TMEM178B: variants seen among roughly 807,000 people sequenced by gnomAD.
TMEM178B encodes the protein transmembrane protein 178B.
A neutral mutation model predicts 31.0 loss-of-function variants in TMEM178B; 5 were observed. That is an observed-to-expected ratio of 0.16 (90% CI 0.08 to 0.34). The LOEUF (loss-of-function observed/expected upper bound fraction) is 0.34, where lower values mean the gene tolerates loss of function less well. TMEM178B is among the 10% of genes least tolerant of loss of function. The pLI, the probability that TMEM178B is intolerant of heterozygous loss-of-function variation, is 1.00. For synonymous variants in TMEM178B, 164 were observed against 164.0 expected (o/e 1.00, Z 0.00); for missense variants, 275 against 400.3 (o/e 0.69, Z 2.67).
chr7:141,194,786 C>A (rs1586819608), intron 1 of TMEM178B, among the ~76,000 whole-genome samples: 1 of 152,198 alleles, frequency 6.6e-6, no homozygotes, highest in Admixed American at 6.5e-5. Flanking sequence ...TCCATGAGGG[C>A]CCCACCCCTG....
intron 1 of TMEM178B, among the ~76,000 whole-genome samples, chr7:141,082,355 A>T (rs1392734351): frequency 6.6e-6 from 1 of 152,218 alleles, no homozygotes. Context: ...AGAGGGCAGG[A>T]ACTGTTTAAT....
chr7:141,337,391 A>T (rs1419551754), intron 2 of TMEM178B, among the ~76,000 whole-genome samples: 2 of 151,024 alleles, frequency 1.3e-5, no homozygotes, highest in South Asian at 4.2e-4. Flanking sequence ...CACCATCTCC[A>T]TTAAAAACAG....
chr7:141,499,464 C>CAAAAA, the TMEM178B span, among the ~76,000 whole-genome samples: 482 of 50,674 alleles, frequency 9.5e-3, 17 homozygotes, highest in African/African-American at 0.022. Flanking sequence ...CACATCTCTA[C>CAAAAA]AAAAAAAAAA....
intron 2 of TMEM178B, among the ~76,000 whole-genome samples, chr7:141,370,143 G>C (rs1444633182): frequency 6.6e-6 from 1 of 152,142 alleles, no homozygotes; most frequent in Non-Finnish European, 1.5e-5. Context: ...CACAGAGAGG[G>C]AGAAGTCATA....
chr7:141,278,221 C>T (rs1420994369), intron 2 of TMEM178B, among the ~76,000 whole-genome samples: 9 of 152,102 alleles, frequency 5.9e-5, no homozygotes, highest in South Asian at 2.1e-4. Context: ...GAAAGAGGGC[C>T]GAGGGGCCTT....
At chr7:141,293,834 G>A (rs1563143476) in intron 2 of TMEM178B, among the ~76,000 whole-genome samples, 5 of 152,176 alleles carry the variant, frequency 3.3e-5, no homozygotes, top group Admixed American at 3.3e-4. Context: ...TAGAGAGTGA[G>A]TAGGAAGTCT....
intron 1 of TMEM178B, among the ~76,000 whole-genome samples, chr7:141,204,040 G>A (rs1388433011): frequency 6.6e-6 from 1 of 152,162 alleles, no homozygotes; most frequent in Non-Finnish European, 1.5e-5. Flanking sequence ...CAAAGTAACC[G>A]CAAGACTAAA....
At chr7:141,417,751 C>T (rs1001714615) in intron 2 of TMEM178B, among the ~76,000 whole-genome samples, 1 of 152,222 alleles carries the variant, frequency 6.6e-6, no homozygotes, top group Non-Finnish European at 1.5e-5. Context: ...CATTGCGTGT[C>T]TGTTTCTAAG....
At chr7:141,142,609 G>A (rs998340099) in intron 1 of TMEM178B, among the ~76,000 whole-genome samples, 7 of 152,030 alleles carry the variant, frequency 4.6e-5, no homozygotes, top group African/African-American at 1.7e-4. Context: ...GGGTTTCACT[G>A]TGTTAGCCAG....
chr7:141,373,682 G>T (rs575169585), intron 2 of TMEM178B, among the ~76,000 whole-genome samples: 1 of 152,160 alleles, frequency 6.6e-6, no homozygotes, highest in Non-Finnish European at 1.5e-5. Context: ...GGCTGCTCCC[G>T]GGGAAGGGGC....
intron 1 of TMEM178B, among the ~76,000 whole-genome samples, chr7:141,146,630 G>A (rs1795857227): frequency 6.6e-6 from 1 of 152,180 alleles, no homozygotes; most frequent in African/African-American, 2.4e-5. Flanking sequence ...ATCATTGGCT[G>A]CTATTACTAT....
At chr7:141,239,271 A>G (rs912231407) in intron 2 of TMEM178B, among the ~76,000 whole-genome samples, 2 of 152,130 alleles carry the variant, frequency 1.3e-5, no homozygotes, top group African/African-American at 4.8e-5. Context: ...GGAGCTTTGT[A>G]TGCAGAGGTT....
chr7:141,500,263 A>T, the TMEM178B span, among the ~76,000 whole-genome samples: 19 of 152,172 alleles, frequency 1.2e-4, no homozygotes, highest in African/African-American at 3.9e-4. Context: ...ATAATCTAGG[A>T]GAGGAATCAG....
chr7:141,452,782 C>A (rs1367068717), intron 3 of TMEM178B, among the ~76,000 whole-genome samples: 2 of 152,182 alleles, frequency 1.3e-5, no homozygotes, highest in African/African-American at 4.8e-5. Flanking sequence ...ATGTTCATTT[C>A]CCTACTTTCC....
intron 2 of TMEM178B, among the ~76,000 whole-genome samples, chr7:141,426,776 G>A (rs1420293898): frequency 6.6e-6 from 1 of 151,998 alleles, no homozygotes; most frequent in African/African-American, 2.4e-5. Context: ...ACATTATGTA[G>A]TTATATAGAG....
intron 1 of TMEM178B, among the ~76,000 whole-genome samples, chr7:141,076,959 T>C (rs1369794117): frequency 1.3e-5 from 2 of 152,174 alleles, no homozygotes; most frequent in Non-Finnish European, 2.9e-5. Flanking sequence ...AGAGTTAAGG[T>C]CACTATCTTC....
chr7:141,107,213 A>T (rs1795161107), intron 1 of TMEM178B, among the ~76,000 whole-genome samples: 1 of 152,214 alleles, frequency 6.6e-6, no homozygotes, highest in South Asian at 2.1e-4. Flanking sequence ...TGAGTGAGGG[A>T]TAGAGCAGTA....
intron 1 of TMEM178B, among the ~76,000 whole-genome samples, chr7:141,089,008 T>A (rs1201796661): frequency 3.3e-5 from 5 of 152,184 alleles, no homozygotes; most frequent in African/African-American, 1.2e-4. Context: ...AAATATTTAC[T>A]AAGTACCTAT....
At chr7:141,335,997 C>T (rs1027577307) in intron 2 of TMEM178B, among the ~76,000 whole-genome samples, 1 of 152,194 alleles carries the variant, frequency 6.6e-6, no homozygotes, top group South Asian at 2.1e-4. Flanking sequence ...GATCATTTCA[C>T]ATGATGAAAC....
Sources: gnomAD v4.1 joint callset for allele counts (sites outside exome capture counted in the v4.1 genomes callset) on GRCh38, gnomAD v4.1.1 for gene constraint, MANE v1.5 for transcripts, NCBI Gene and HGNC (gene_info 2026-07-23, HGNC 2026-07-21) for gene names.